LAMB1: variants seen among roughly 807,000 people sequenced by gnomAD.
LAMB1 encodes laminin subunit beta-1.
Under a neutral mutation model 222.3 loss-of-function variants are expected in LAMB1, and 121 were observed. The ratio of observed to expected loss-of-function variants is 0.54; its 90% CI spans 0.47 to 0.63. The LOEUF is 0.63. LAMB1 is among the 30% of genes least tolerant of loss of function. The probability of loss-of-function intolerance (pLI) is 0.00; values close to 1 mark genes in which losing one functional copy is unlikely to be tolerated. For missense variants in LAMB1, 2,172 were observed against 2,240.8 expected, an observed-to-expected ratio of 0.97 and a Z score of 0.62; for synonymous variants, 794 against 807.2, an observed-to-expected ratio of 0.98 and a Z score of 0.28.
Position 107,935,454 on chromosome 7 carries a change from G to T in LAMB1, c.4149C>A (p.Gly1383=). 1 of 1,579,854 alleles carries T rather than the reference G, an allele frequency of 6.3e-7. No homozygotes were observed. Among genetic ancestry groups the T allele is most frequent in the Non-Finnish European group, 8.6e-7 (1 of 1,164,302 alleles). ...CTGAAAGGTCTAGGCTTTGTAGCTT[G>T]CCTGCCAGTTCATCAAGGAGGCGAG... ...EQARLLDELA[G]KLQSLDLSAA... Residue 1383 remains glycine, a synonymous_variant, in exon 27 of 34, where the codon GGC becomes GGA. Transcript: ENST00000222399.
At chr7:108,001,470 G>T in intron 3 of LAMB1, 88 bp downstream of exon 3, 1 of 1,378,504 alleles carries the variant, frequency 7.3e-7, no homozygotes, top group Non-Finnish European at 9.7e-7. Flanking sequence ...TGGATTGCTG[G>T]AAGGATGCGG....
intron 4 of LAMB1, among the ~76,000 whole-genome samples, chr7:107,997,367 A>G (rs1211050645): frequency 1.3e-5 from 2 of 152,204 alleles, no homozygotes; most frequent in African/African-American, 2.4e-5. Flanking sequence ...AGGTTGCAGT[A>G]AGCTGAGATT....
intron 24 of LAMB1, among the ~76,000 whole-genome samples, chr7:107,950,523 G>A (rs2033218822): frequency 6.6e-6 from 1 of 152,146 alleles, no homozygotes; most frequent in Admixed American, 6.5e-5. Flanking sequence ...ACAAGTTTTT[G>A]TTTGTAAGAA....
In LAMB1 at chr7:107,980,750, G is replaced by C; in HGVS notation, c.738C>G (p.Asn246Lys). The C allele has an allele frequency of 6.2e-7, 1 of 1,612,982 alleles. No individual in the cohort carries two copies. The highest frequency in any genetic ancestry group is 8.5e-7 in the Non-Finnish European group (1 of 1,179,054). The change falls in exon 8 of 34, where the codon AAC (asparagine) becomes AAG (lysine). Residue 246 changes from asparagine to lysine, a missense_variant. Coordinates refer to ENST00000222399, the MANE Select transcript of LAMB1 (RefSeq NM_002291.3). ...TGATTTCCATCCTGGAATCCAGAAG[G>C]TTATCTCCCAAAGTATGCAGTTTCA... Reference protein sequence around the residue: ...KFVKLHTLGDNLLDSRMEIRE... With the variant: ...KFVKLHTLGDKLLDSRMEIRE...
intron 1 of LAMB1, 53 bp downstream of exon 1, chr7:108,003,058 G>C: frequency 1.1e-5 from 15 of 1,401,734 alleles, no homozygotes; most frequent in Non-Finnish European, 1.4e-5. Context: ...CCACGGAAGC[G>C]GGGGGTGGGC....
At chr7:107,998,630 G>A (rs911215604) in intron 3 of LAMB1, 138 bp from the exon 4 acceptor site, 2 of 674,378 alleles carry the variant, frequency 3.0e-6, no homozygotes, top group Non-Finnish European at 4.8e-6. Context: ...AAATTGCTTA[G>A]GAGATTTGTA....
In LAMB1 at chr7:107,951,237, A is replaced by C; in HGVS notation, c.3380T>G (p.Val1127Gly). Residue 1127 changes from valine to glycine, a missense_variant, in exon 24 of 34, where the codon GTG becomes GGG. Transcript: ENST00000222399. ...CGCCCACAACTCACCTCGGCACTCC[A>C]CGTCGGGGTCTCCCCAGAAGAGTTC... ...CQELFWGDPD[V>G]ECRACDCDPR... is the part of the protein sequence containing the mutation. 2 of 1,614,080 alleles carry C rather than the reference A, an allele frequency of 1.2e-6. No homozygotes were observed. The highest frequency in any genetic ancestry group is 1.1e-5 in the South Asian group (1 of 91,084).
rs533160817 is a variant in LAMB1 at position 107,992,189 on chromosome 7, C to T, written c.423+2698G>A. 2.7e-4 allele frequency among the ~76,000 whole-genome samples: 41 copies of T among 152,312 alleles called. No individual in the cohort carries two copies. The South Asian group carries it at 8.3e-3, about 31-fold the overall frequency. On this transcript the variant is annotated intron_variant, in intron 5 of 33. Transcript: ENST00000222399. ...TTCTTCCATCTCCTCCCACTGACAT[C>T]CCTGCTCTCCCTTCCTGGCCCAGGT...
intron 32 of LAMB1, among the ~76,000 whole-genome samples, chr7:107,924,619 G>A (rs938255885): frequency 1.3e-5 from 2 of 152,312 alleles, no homozygotes; most frequent in Non-Finnish European, 2.9e-5. Flanking sequence ...TTAGGGCTAA[G>A]TCCTCATTCT....
chr7:107,963,210 T>C (rs865796788), intron 14 of LAMB1, 147 bp from the exon 15 acceptor site: 21 of 725,898 alleles, frequency 2.9e-5, no homozygotes, highest in Non-Finnish European at 4.2e-5. Flanking sequence ...CCCTAATAGA[T>C]TGTAAAAAGT....
chr7:107,952,221 ACT>A lies in LAMB1; in HGVS notation c.3080_3081del (p.Lys1027MetfsTer4), dbSNP rs1562985788. The A allele has an allele frequency of 3.8e-6, 6 of 1,594,580 alleles. No individual in the cohort carries two copies. Among genetic ancestry groups the A allele is most frequent in the African/African-American group, 1.3e-5 (1 of 74,726 alleles). On this transcript the variant is annotated frameshift_variant and splice_region_variant, in exon 23 of 34. Transcript: ENST00000222399. LOFTEE classifies it high-confidence loss of function. ...ACGGTGCCCAGGTAATTACAGACAC[ACT>A]CTGCAAAAGAACATCACATTTACTT... ...YGDALQQDCRKCVCNYLGTVQ... is the reference protein window; with the variant it reads ...YGDALQQDCRXCVCNYLGTVQ...
Position 107,972,148 on chromosome 7 carries a change from C to T in LAMB1, c.1562+844G>A, listed in dbSNP as rs1584519039. 2.6e-5 allele frequency among the ~76,000 whole-genome samples: 4 copies of T among 152,296 alleles called. 1 individual carries two copies. In the South Asian group the frequency reaches 8.3e-4, roughly 32 times the overall value. On this transcript the variant is annotated intron_variant, in intron 13 of 33. Coordinates refer to ENST00000222399, the MANE Select transcript of LAMB1 (RefSeq NM_002291.3). ...ATGCTGTACTGGGTCTATGGCACGA[C>T]CTCGAACAGAACAAACCCAAATAAA...
Position 107,939,901 on chromosome 7 carries a change from G to A in LAMB1, c.3761+88C>T, listed in dbSNP as rs1050735702. 32 of 1,439,184 alleles carry A rather than the reference G, an allele frequency of 2.2e-5. No individual in the cohort carries two copies. In the Admixed American group the frequency reaches 5.8e-4, roughly 26 times the overall value. The allele number at this position is 1,439,184 out of a possible 1,614,324, so 89.2% of individuals were successfully genotyped here. A position where few individuals can be genotyped will look rare whatever the true frequency, so the allele number is the denominator to read the frequency against. On this transcript the variant is annotated intron_variant, in intron 25 of 33. Transcript: ENST00000222399. ...CACAGGACTAACAAAACCTCCTGATGGAAGCACCATGCCAGGAAATCTTTG... is the reference window on the plus strand; with the variant it reads ...CACAGGACTAACAAAACCTCCTGATAGAAGCACCATGCCAGGAAATCTTTG...
intron 10 of LAMB1, 103 bp from the exon 11 acceptor site, chr7:107,975,516 G>T: frequency 7.7e-7 from 1 of 1,304,496 alleles, no homozygotes; most frequent in Non-Finnish European, 1.0e-6. Context: ...CACAAAAGTC[G>T]ACTAAAAGCA....
At position 107,986,336 on chromosome 7, in the gene LAMB1, C is replaced by G. The variant is rs771551812; in HGVS notation, c.451G>C (p.Glu151Gln). ...KTFRPAAMLI[E>Q]RSSDFGKTWG... ...GTTTTCCCAAAGTCGGACGATCGTT[C>G]TATCAGCATAGCAGCTGGACGGAAT... The change falls in exon 6 of 34, where the codon GAA becomes CAA. Residue 151 changes from glutamate to glutamine, a missense_variant. By Grantham distance (29) the Glu-to-Gln change is conservative. Coordinates refer to ENST00000222399, the MANE Select transcript of LAMB1 (RefSeq NM_002291.3). 1.2e-6 allele frequency: 2 copies of G among 1,606,906 alleles called. No homozygotes were observed. Among genetic ancestry groups the G allele is most frequent in the Admixed American group, 3.3e-5 (2 of 59,712 alleles).
intron 7 of LAMB1, 98 bp downstream of exon 7, chr7:107,985,924 T>C: frequency 1.1e-6 from 1 of 946,360 alleles, no homozygotes; most frequent in South Asian, 1.5e-5. Flanking sequence ...ACCATTGCAC[T>C]CCAGCCTGGG....
rs766976307 is a variant in LAMB1, at chr7:107,929,519, A to C, written c.4638T>G (p.Asp1546Glu). 2 of 1,614,106 alleles carry C rather than the reference A, an allele frequency of 1.2e-6. No individual in the cohort carries two copies. Among genetic ancestry groups the C allele is most frequent in the Non-Finnish European group, 1.7e-6 (2 of 1,179,944 alleles). ...AAAGGCTTTCAACTCGTTCACGTAT[A>C]TCTTCTGTCAAGTTCTGTAACTGCT... ...TPQQLQNLTE[D>E]IRERVESLSQ... Residue 1546 changes from aspartate (D) to glutamate (E), a missense_variant, in exon 30 of 34, where the codon GAT (aspartate) becomes GAG (glutamate). Asp to Glu is a conservative substitution (Grantham distance 45). Transcript: ENST00000222399.
At chr7:108,000,109 T>TA (rs2034354950) in intron 3 of LAMB1, 2 of 152,078 alleles carry the variant, frequency 1.3e-5, no homozygotes, top group African/African-American at 2.4e-5. Context: ...GTAGGTAAAA[T>TA]TTAAATGCTA....
chr7:107,950,909 C>G (rs531607977), intron 24 of LAMB1, among the ~76,000 whole-genome samples: 2 of 143,380 alleles, frequency 1.4e-5, no homozygotes, highest in Non-Finnish European at 3.0e-5. Flanking sequence ...AAAAGCAGCT[C>G]TGTGTGTATT....
Sources: gnomAD v4.1 joint callset for allele counts (sites outside exome capture counted in the v4.1 genomes callset) on GRCh38, gnomAD v4.1.1 for gene constraint, MANE v1.5 for transcripts, NCBI Gene and HGNC (gene_info 2026-07-23, HGNC 2026-07-21) for gene names.